CNTN4: variants seen among roughly 807,000 people sequenced by gnomAD.
CNTN4 encodes the protein contactin 4, also known as contactin-4.
A neutral mutation model predicts 122.5 loss-of-function variants in CNTN4; 77 were observed. The observed-to-expected ratio is 0.63, with a 90% CI of 0.52 to 0.76. The LOEUF (loss-of-function observed/expected upper bound fraction) is 0.76. Among genes scored for constraint, CNTN4 ranks in the 30% least tolerant of loss-of-function variants. CNTN4 has a pLI of 0.00. For synonymous variants in CNTN4, 512 were observed against 447.0 expected (o/e 1.15, Z -1.83); for missense variants, 1,256 against 1,259.1 (o/e 1.00, Z 0.04).
rs143952242 is a variant in CNTN4, at chr3:2,255,913, A to G, written c.-144-83265A>G. On this transcript the variant is annotated intron_variant, in intron 2 of 24. Transcript: ENST00000418658. ...GCAAAAGCAAACAAATTCAAAAGCT[A>G]GCAGAATACAAGAAACAACTAAGAT... Among the ~76,000 whole-genome samples, 673 of 152,310 alleles carry G rather than the reference A, an allele frequency of 4.4e-3. 2 individuals are homozygous for G. The highest frequency in any genetic ancestry group is 0.01 in the Middle Eastern group (3 of 294).
intron 4 of CNTN4, among the ~76,000 whole-genome samples, chr3:2,631,889 C>A (rs10591540): frequency 0.12 from 14,218 of 115,390 alleles, 1,348 homozygotes; most frequent in African/African-American, 0.18. Context: ...CAAAAAAAAA[C>A]AACAACTAAA....
chr3:3,017,533 C>G (rs930391896), intron 14 of CNTN4, among the ~76,000 whole-genome samples: 11 of 152,280 alleles, frequency 7.2e-5, no homozygotes, highest in African/African-American at 2.6e-4. Flanking sequence ...TTCCAGGAAC[C>G]TGGGGCAGAC....
chr3:2,936,506 A>G (rs778044468), intron 13 of CNTN4, among the ~76,000 whole-genome samples: 2 of 152,190 alleles, frequency 1.3e-5, no homozygotes, highest in African/African-American at 2.4e-5. Context: ...ACTAAGTCTT[A>G]TGAGATGACC....
intron 2 of CNTN4, among the ~76,000 whole-genome samples, chr3:2,166,538 AATT>A (rs67239909): frequency 0.064 from 9,698 of 152,164 alleles, 356 homozygotes; most frequent in Middle Eastern, 0.12. Context: ...ATTACAATTA[AATT>A]ATTATTGATA....
At chr3:2,661,276 G>A (rs957646411) in intron 4 of CNTN4, among the ~76,000 whole-genome samples, 2 of 152,152 alleles carry the variant, frequency 1.3e-5, no homozygotes, top group East Asian at 1.9e-4. Context: ...GCAGCCCCAA[G>A]GAGGAGTGCC....
rs138658915 is a variant in CNTN4 at position 2,284,858 on chromosome 3, T to C, written c.-144-54320T>C. Among the ~76,000 whole-genome samples, 579 of 151,920 alleles carry C rather than the reference T, an allele frequency of 3.8e-3. 3 individuals are homozygous for C. Among genetic ancestry groups the C allele is most frequent in the African/African-American group, 0.013 (549 of 41,442 alleles). On this transcript the variant is annotated intron_variant, in intron 2 of 24. Transcript: ENST00000418658. ...TTTCTGATGTGGTAGCATAAATATA[T>C]ATTATAGGACATTATTAATAGTAAA... is the stretch of plus-strand genomic sequence containing the variant.
intron 3 of CNTN4, among the ~76,000 whole-genome samples, chr3:2,543,032 C>T (rs1326977779): frequency 6.6e-6 from 1 of 152,076 alleles, no homozygotes; most frequent in Non-Finnish European, 1.5e-5. Flanking sequence ...AGGTCACAGC[C>T]AGATTGTATA....
intron 6 of CNTN4, among the ~76,000 whole-genome samples, chr3:2,781,716 A>ATTTTTTTTT (rs59896254): frequency 1.2e-5 from 1 of 85,954 alleles, no homozygotes; most frequent in Non-Finnish European, 2.1e-5. Flanking sequence ...CTTTGGGTAA[A>ATTTTTTTTT]TTTTTTTTTT....
chr3:2,889,977 G>A (rs2094020301), intron 10 of CNTN4, among the ~76,000 whole-genome samples: 1 of 152,152 alleles, frequency 6.6e-6, no homozygotes, highest in Non-Finnish European at 1.5e-5. Context: ...TTCTAACAAT[G>A]TTTCCTTTTT....
At chr3:2,461,623 C>T (rs2049214872) in intron 3 of CNTN4, among the ~76,000 whole-genome samples, 1 of 152,200 alleles carries the variant, frequency 6.6e-6, no homozygotes, top group African/African-American at 2.4e-5. Flanking sequence ...AATGAGTAAA[C>T]TGAAGCCCAG....
At chr3:2,864,920 A>T (rs1016158692) in intron 7 of CNTN4, among the ~76,000 whole-genome samples, 3 of 151,986 alleles carry the variant, frequency 2.0e-5, no homozygotes, top group African/African-American at 7.3e-5. Context: ...CATTTTGCAT[A>T]GGAGAAAGCT....
At chr3:2,705,870 A>G (rs28689566) in intron 4 of CNTN4, among the ~76,000 whole-genome samples, 1 of 85,970 alleles carries the variant, frequency 1.2e-5, no homozygotes, top group African/African-American at 5.4e-5. Context: ...TTTATATATA[A>G]TATATATTTT....
chr3:2,613,516 GCACTATTTGTATTT>G (rs1473033397), intron 4 of CNTN4, among the ~76,000 whole-genome samples: 2 of 152,026 alleles, frequency 1.3e-5, no homozygotes, highest in African/African-American at 4.8e-5. Context: ...GTACTGTAAA[GCACTATTTGTATTT>G]CACATTTATA....
At chr3:3,014,792 C>T (rs966613944) in intron 14 of CNTN4, among the ~76,000 whole-genome samples, 1 of 151,266 alleles carries the variant, frequency 6.6e-6, no homozygotes, top group South Asian at 2.1e-4. Flanking sequence ...GTTCCCTGTA[C>T]CTAATTTAAA....
At chr3:2,256,290 C>A (rs1048413480) in intron 2 of CNTN4, among the ~76,000 whole-genome samples, 1 of 152,114 alleles carries the variant, frequency 6.6e-6, no homozygotes, top group Non-Finnish European at 1.5e-5. Context: ...GAAATTGAGG[C>A]ACTAATTAAT....
chr3:2,256,561 A>T (rs2040600814), intron 2 of CNTN4, among the ~76,000 whole-genome samples: 1 of 152,184 alleles, frequency 6.6e-6, no homozygotes, highest in Non-Finnish European at 1.5e-5. Context: ...TGGCAAACCG[A>T]ATCCAGCAGC....
At chr3:2,511,233 G>A (rs529825388) in intron 3 of CNTN4, 1 of 152,230 alleles carries the variant, frequency 6.6e-6, no homozygotes, top group Admixed American at 6.5e-5. Flanking sequence ...TGCCCATTGG[G>A]AAAGAAGCCT....
intron 4 of CNTN4, among the ~76,000 whole-genome samples, chr3:2,707,954 T>G (rs1576522207): frequency 6.6e-6 from 1 of 152,214 alleles, no homozygotes; most frequent in Non-Finnish European, 1.5e-5. Flanking sequence ...AATTATAATA[T>G]GTTACTATTA....
At chr3:2,120,393 ATATATATATATAT>A (rs1197170443) in intron 2 of CNTN4, among the ~76,000 whole-genome samples, 4 of 29,526 alleles carry the variant, frequency 1.4e-4, no homozygotes, top group Non-Finnish European at 3.1e-4. Flanking sequence ...ATATATATAT[ATATATATATATAT>A]TTTTTTTTTT....
Sources: gnomAD v4.1 joint callset for allele counts (sites outside exome capture counted in the v4.1 genomes callset) on GRCh38, gnomAD v4.1.1 for gene constraint, MANE v1.5 for transcripts, NCBI Gene and HGNC (gene_info 2026-07-23, HGNC 2026-07-21) for gene names.